The following CNTNAP2 variants were observed in gnomAD, a reference collection of about 807,000 sequenced individuals.
The protein encoded by CNTNAP2 is contactin-associated protein-like 2.
CNTNAP2 carries 98 observed loss-of-function variants against 155.2 expected under a neutral mutation model. That is an observed-to-expected ratio of 0.63 (90% confidence interval 0.54 to 0.75). CNTNAP2 has a LOEUF of 0.75. CNTNAP2 is among the 30% of genes least tolerant of loss of function. The pLI is 0.00. For missense variants in CNTNAP2, 1,727 were observed against 1,688.1 expected (o/e 1.02, Z -0.40); for synonymous variants, 651 against 631.2 (o/e 1.03, Z -0.47).
At chr7:147,378,936 G>A (rs1270993768) in intron 9 of CNTNAP2, among the ~76,000 whole-genome samples, 1 of 151,856 alleles carries the variant, frequency 6.6e-6, no homozygotes, top group African/African-American at 2.4e-5. Context: ...CCTACATGTC[G>A]TGGGAGGGAC....
chr7:146,358,921 C>A (rs1473472255), intron 1 of CNTNAP2, among the ~76,000 whole-genome samples: 3 of 151,724 alleles, frequency 2.0e-5, no homozygotes, highest in Non-Finnish European at 4.4e-5. Context: ...AAATCAGGGG[C>A]TTGATACATC....
intron 8 of CNTNAP2, among the ~76,000 whole-genome samples, chr7:147,195,838 A>T (rs1167931149): frequency 2.0e-5 from 3 of 152,092 alleles, no homozygotes; most frequent in Non-Finnish European, 4.4e-5. Context: ...TTTTAAGAGG[A>T]GCCAGCTATC....
At chr7:147,390,261 ATTAT>A (rs1400562911) in intron 9 of CNTNAP2, among the ~76,000 whole-genome samples, 15 of 152,156 alleles carry the variant, frequency 9.9e-5, no homozygotes, top group African/African-American at 3.4e-4. Flanking sequence ...TCAGGTTCTA[ATTAT>A]TAAAACTGAT....
At chr7:148,366,821 A>AC (rs1294798202) in intron 21 of CNTNAP2, among the ~76,000 whole-genome samples, 2 of 151,510 alleles carry the variant, frequency 1.3e-5, no homozygotes, top group Non-Finnish European at 2.9e-5. Context: ...GAGGAAAATG[A>AC]CCCCAAAAAA....
intron 4 of CNTNAP2, among the ~76,000 whole-genome samples, chr7:147,101,819 T>C (rs979078387): frequency 6.6e-6 from 1 of 152,178 alleles, no homozygotes; most frequent in African/African-American, 2.4e-5. Flanking sequence ...TGCTCGTCTG[T>C]TCATGGAGCC....
chr7:147,511,385 C>A (rs1799017907), intron 11 of CNTNAP2, among the ~76,000 whole-genome samples: 1 of 151,584 alleles, frequency 6.6e-6, no homozygotes, highest in African/African-American at 2.4e-5. Context: ...TTCTTCATTT[C>A]TTTAAACAAG....
intron 8 of CNTNAP2, among the ~76,000 whole-genome samples, chr7:147,182,506 C>G (rs73473014): frequency 0.055 from 8,428 of 151,868 alleles, 750 homozygotes; most frequent in African/African-American, 0.19. Flanking sequence ...ATTTTTGAAC[C>G]TTGAACCTTG....
intron 3 of CNTNAP2, among the ~76,000 whole-genome samples, chr7:146,941,539 T>A (rs1298956008): frequency 6.6e-6 from 1 of 152,164 alleles, no homozygotes; most frequent in African/African-American, 2.4e-5. Context: ...GCCATTATAG[T>A]ATGAAGATAG....
intron 20 of CNTNAP2, among the ~76,000 whole-genome samples, chr7:148,251,177 G>T (rs1585217324): frequency 6.6e-6 from 1 of 152,174 alleles, no homozygotes; most frequent in East Asian, 1.9e-4. Context: ...GTCTCCAGGT[G>T]ACCCTCATTT....
At chr7:147,807,322 C>CAAGAAA (rs1798107110) in intron 13 of CNTNAP2, among the ~76,000 whole-genome samples, 1 of 64,776 alleles carries the variant, frequency 1.5e-5, no homozygotes, top group Non-Finnish European at 2.8e-5. Flanking sequence ...GTCCTTGACT[C>CAAGAAA]AAAAAAAAAA....
At chr7:148,083,059 A>G (rs1042294793) in intron 15 of CNTNAP2, among the ~76,000 whole-genome samples, 24 of 152,030 alleles carry the variant, frequency 1.6e-4, no homozygotes, top group Admixed American at 4.6e-4. Context: ...ATAAAAGACA[A>G]GGGGAAATAA....
intron 21 of CNTNAP2, among the ~76,000 whole-genome samples, chr7:148,371,715 G>A (rs1005045223): frequency 4.6e-5 from 7 of 152,056 alleles, no homozygotes; most frequent in South Asian, 4.1e-4. Context: ...ATCATTATGC[G>A]AATACCACAG....
intron 13 of CNTNAP2, among the ~76,000 whole-genome samples, chr7:147,825,426 A>AG (rs984190133): frequency 6.6e-6 from 1 of 152,328 alleles, no homozygotes. Context: ...CAATTAATAT[A>AG]GTTGGGTAGA....
chr7:146,842,673 C>T (rs1486826451), intron 3 of CNTNAP2, among the ~76,000 whole-genome samples: 3 of 151,960 alleles, frequency 2.0e-5, no homozygotes, highest in Non-Finnish European at 4.4e-5. Flanking sequence ...AAGAAAGAGA[C>T]GGGGGTGTCA....
intron 2 of CNTNAP2, among the ~76,000 whole-genome samples, chr7:146,782,594 A>C (rs1802510190): frequency 1.3e-5 from 2 of 152,208 alleles, no homozygotes; most frequent in African/African-American, 4.8e-5. Context: ...ATAATGATAA[A>C]GGATATAATA....
At chr7:147,028,959 CTT>C (rs397889433) in intron 3 of CNTNAP2, among the ~76,000 whole-genome samples, 104 of 103,736 alleles carry the variant, frequency 1.0e-3, no homozygotes, top group African/African-American at 4.0e-3. Context: ...AAGATATGTT[CTT>C]TTTTTTTTTT....
intron 13 of CNTNAP2, among the ~76,000 whole-genome samples, chr7:147,875,927 A>G (rs746081322): frequency 3.9e-5 from 6 of 152,184 alleles, no homozygotes; most frequent in Non-Finnish European, 5.9e-5. Context: ...AATATTTGAG[A>G]GTACAGAGGT....
intron 1 of CNTNAP2, among the ~76,000 whole-genome samples, chr7:146,126,352 T>A (rs1797637477): frequency 6.6e-6 from 1 of 152,218 alleles, no homozygotes; most frequent in South Asian, 2.1e-4. Flanking sequence ...ACTTAAAAAT[T>A]ACATTGGTAA....
intron 3 of CNTNAP2, among the ~76,000 whole-genome samples, chr7:146,939,555 T>C (rs1399935832): frequency 6.6e-6 from 1 of 152,212 alleles, no homozygotes; most frequent in Admixed American, 6.5e-5. Flanking sequence ...GGAATGTGAT[T>C]GCCATTTACC....
Sources: gnomAD v4.1 joint callset for allele counts (sites outside exome capture counted in the v4.1 genomes callset) on GRCh38, gnomAD v4.1.1 for gene constraint, MANE v1.5 for transcripts, NCBI Gene and HGNC (gene_info 2026-07-23, HGNC 2026-07-21) for gene names.